The following MEGF6 variants were observed in gnomAD, a reference collection of about 807,000 sequenced individuals.
MEGF6 encodes the protein multiple EGF like domains 6.
In MEGF6, 184 loss-of-function variants were observed where a neutral mutation model predicts 207.1. The observed-to-expected ratio is 0.89, with a 90% CI of 0.79 to 1.00. The LOEUF is 1.00. Ranked by LOEUF, MEGF6 falls within the 50% of genes least tolerant of loss-of-function variation. The pLI, the probability that MEGF6 is intolerant of heterozygous loss-of-function variation, is 0.00. For missense variants in MEGF6, 2,282 were observed against 2,202.9 expected (o/e 1.04, Z -0.72); for synonymous variants, 1,038 against 910.0 (o/e 1.14, Z -2.53).
intron 7 of MEGF6, among the ~76,000 whole-genome samples, chr1:3,512,611 G>C (rs1369285156): frequency 6.6e-6 from 1 of 152,214 alleles, no homozygotes; most frequent in East Asian, 1.9e-4. Flanking sequence ...CATGAGATCT[G>C]ATGGTTTTAA....
rs747463130 is a variant in MEGF6, at chr1:3,499,671, T to G, written c.2882A>C (p.Asn961Thr). ...FFGLDCRSAC[N>T]CTAGAACDAV... Reference sequence around the variant, plus strand: ...ATCACAGGCAGCTCCGGCGGTGCAGTTGCAGGCACTGCGACAGTCCAATCC... The same window carrying G: ...ATCACAGGCAGCTCCGGCGGTGCAGGTGCAGGCACTGCGACAGTCCAATCC... The change falls in exon 23 of 37, where the codon AAC becomes ACC. Residue 961 changes from asparagine (N) to threonine (T), a missense_variant. By Grantham distance (65) the Asn-to-Thr change is moderately conservative. Transcript: ENST00000356575. The G allele has an allele frequency of 1.9e-6, 3 of 1,599,640 alleles. No individual in the cohort carries two copies. The highest frequency in any genetic ancestry group is 2.3e-5 in the East Asian group (1 of 44,270).
chr1:3,579,945 G>C lies in MEGF6; in HGVS notation c.377-16C>G. On this transcript the variant is annotated splice_polypyrimidine_tract_variant and intron_variant, in intron 3 of 36. Transcript: ENST00000356575. ...CTGCATTCAGCTGCGGAGGGAAGGAGAAAATCGGTGAGAGGGGCAAGGAGG... is the reference window on the plus strand; with the variant it reads ...CTGCATTCAGCTGCGGAGGGAAGGACAAAATCGGTGAGAGGGGCAAGGAGG... 1.8e-5 allele frequency: 27 copies of C among 1,484,288 alleles called. No homozygotes were observed. Among genetic ancestry groups the C allele is most frequent in the Non-Finnish European group, 2.4e-5 (27 of 1,115,434 alleles). 91.9% of individuals were successfully genotyped at this position (1,484,288 alleles called of 1,614,324 possible).
chr1:3,510,715 C>A, intron 10 of MEGF6, 68 bp downstream of exon 10: 1 of 1,533,928 alleles, frequency 6.5e-7, no homozygotes. Context: ...GAGCCAGCCC[C>A]GTGTCCTTCC....
At chr1:3,503,335 AAC>A (rs1399672909) in intron 17 of MEGF6, among the ~76,000 whole-genome samples, 12 of 152,276 alleles carry the variant, frequency 7.9e-5, no homozygotes, top group African/African-American at 2.9e-4. Context: ...GCTGGGCAGG[AAC>A]AGTTTCCAGA....
chr1:3,577,981 G>A (rs1041935075), intron 4 of MEGF6, among the ~76,000 whole-genome samples: 1 of 152,344 alleles, frequency 6.6e-6, no homozygotes, highest in African/African-American at 2.4e-5. Flanking sequence ...CGGGGTCCAC[G>A]CGTCAGGGTC....
At chr1:3,612,237 G>A (rs1373379696), upstream of MEGF6, among the ~76,000 whole-genome samples, 1 of 151,588 alleles carries the variant, frequency 6.6e-6, no homozygotes, top group Non-Finnish European at 1.5e-5. Context: ...GAGTGGGTGG[G>A]CGCGGGGTCC....
intron 4 of MEGF6, among the ~76,000 whole-genome samples, chr1:3,540,026 C>CATAAAAACGGAG (rs1642463600): frequency 6.6e-6 from 1 of 152,190 alleles, no homozygotes. Context: ...TTCAGCCCTC[C>CATAAAAACGGAG]GTGTTTATCT....
chr1:3,498,463 T>G lies in MEGF6; in HGVS notation c.3260A>C (p.His1087Pro), dbSNP rs773946142. ...LPRDVRAGCRHSGGCLNGGLC... is the reference protein window; with the variant it reads ...LPRDVRAGCRPSGGCLNGGLC... ...GCCCCCGTTGAGGCAACCGCCGCTG[T>G]GCCGGCAGCCAGCTCTGACGTCCCG... The change falls in exon 26 of 37, where the codon CAC (histidine) becomes CCC (proline). Residue 1087 changes from histidine (H) to proline (P), a missense_variant. Coordinates refer to ENST00000356575, the MANE Select transcript of MEGF6 (RefSeq NM_001409.4). The G allele has an allele frequency of 5.1e-6, 8 of 1,583,846 alleles. No individual in the cohort carries two copies. The highest frequency in any genetic ancestry group is 6.0e-6 in the Non-Finnish European group (7 of 1,167,602).
At chr1:3,608,809 T>C (rs1644287781) in intron 1 of MEGF6, among the ~76,000 whole-genome samples, 1 of 152,148 alleles carries the variant, frequency 6.6e-6, no homozygotes, top group Non-Finnish European at 1.5e-5. Flanking sequence ...GCCTCCTGCA[T>C]GAGGCCCCAG....
At chr1:3,531,590 C>A in intron 4 of MEGF6, 1 of 725,796 alleles carries the variant, frequency 1.4e-6, no homozygotes, top group Non-Finnish European at 1.7e-6. Context: ...CGTGCGCGCT[C>A]CCGGACCCGG....
chr1:3,612,716 A>C (rs1557437518), upstream of MEGF6, among the ~76,000 whole-genome samples: 1 of 148,030 alleles, frequency 6.8e-6, no homozygotes, highest in Non-Finnish European at 1.5e-5. Context: ...GAACTTCGCT[A>C]ATAGGGAGCA....
intron 14 of MEGF6, among the ~76,000 whole-genome samples, chr1:3,507,491 A>G (rs1641160063): frequency 6.6e-6 from 1 of 152,174 alleles, no homozygotes; most frequent in African/African-American, 2.4e-5. Flanking sequence ...ACTGCCTCTC[A>G]AGGGAACCCA....
At chr1:3,614,514 G>T (rs1412804425), upstream of MEGF6, among the ~76,000 whole-genome samples, 1 of 152,196 alleles carries the variant, frequency 6.6e-6, no homozygotes, top group Non-Finnish European at 1.5e-5. Flanking sequence ...AATGATCTTT[G>T]TCCATTTTCA....
chr1:3,582,132 G>C (rs1455267818), intron 3 of MEGF6, among the ~76,000 whole-genome samples: 4 of 152,184 alleles, frequency 2.6e-5, no homozygotes, highest in African/African-American at 9.7e-5. Context: ...ACCAGGCCCG[G>C]GGCAGCCACT....
intron 1 of MEGF6, among the ~76,000 whole-genome samples, chr1:3,607,565 C>G (rs562620577): frequency 6.6e-6 from 1 of 152,328 alleles, no homozygotes; most frequent in East Asian, 1.9e-4. Flanking sequence ...GCCTTTCCAC[C>G]TGTGAGGATG....
At chr1:3,499,309 C>T (rs1009427806) in intron 23 of MEGF6, 43 bp from the exon 24 acceptor site, 1 of 1,566,686 alleles carries the variant, frequency 6.4e-7, no homozygotes, top group African/African-American at 1.3e-5. Context: ...GTGGGCAGGA[C>T]CCCAGGGGTT....
At chr1:3,548,798 G>C (rs376659181) in intron 4 of MEGF6, among the ~76,000 whole-genome samples, 14 of 152,294 alleles carry the variant, frequency 9.2e-5, no homozygotes, top group African/African-American at 3.4e-4. Flanking sequence ...CACCGGGGCA[G>C]CCTCACAGCC....
At chr1:3,604,316 G>A (rs756054693) in intron 1 of MEGF6, among the ~76,000 whole-genome samples, 3 of 152,184 alleles carry the variant, frequency 2.0e-5, no homozygotes, top group Non-Finnish European at 4.4e-5. Context: ...AGGCCCAGGT[G>A]ACTGCAGGGT....
intron 2 of MEGF6, 86 bp from the exon 3 acceptor site, chr1:3,595,533 T>TGCGTCAGCCGGGTTCCCG: frequency 8.3e-7 from 1 of 1,200,900 alleles, no homozygotes; most frequent in Non-Finnish European, 1.2e-6. Flanking sequence ...AGACTGACTC[T>TGCGTCAGCCGGGTTCCCG]GCGTCAGCCG....
Sources: gnomAD v4.1 joint callset for allele counts (sites outside exome capture counted in the v4.1 genomes callset) on GRCh38, gnomAD v4.1.1 for gene constraint, MANE v1.5 for transcripts, NCBI Gene and HGNC (gene_info 2026-07-23, HGNC 2026-07-21) for gene names.